Variants in SRRM1 observed in about 807,000 individuals in gnomAD.
SRRM1 encodes serine and arginine repetitive matrix 1, also known as serine/arginine repetitive matrix protein 1.
SRRM1 carries 19 observed loss-of-function variants against 110.2 expected under a neutral mutation model. That is an observed-to-expected ratio of 0.17 (90% confidence interval 0.12 to 0.25). The LOEUF is 0.25. SRRM1 is among the 10% of genes least tolerant of loss of function. The pLI is 1.00. For synonymous variants in SRRM1, 443 were observed against 414.9 expected (o/e 1.07, Z -0.82); for missense variants, 918 against 1,145.8 (o/e 0.80, Z 2.87).
chr1:24,649,177 C>G lies in SRRM1; in HGVS notation c.405+148C>G, dbSNP rs1200330748. ...AAACATTCAGTTTTGGTTCACTGCT[C>G]CTCCCTCCAACCAAACATTGAGTTT... is the stretch of plus-strand genomic sequence containing the variant. On this transcript the variant is annotated intron_variant, in intron 4 of 16. Transcript: ENST00000323848. 1.4e-5 allele frequency: 9 copies of G among 623,840 alleles called. No individual in the cohort carries two copies. In the Admixed American group the frequency reaches 1.7e-4, roughly 12 times the overall value. 38.6% of individuals were successfully genotyped at this position (623,840 alleles called of 1,614,324 possible).
intron 1 of SRRM1, 69 bp downstream of exon 1, chr1:24,643,416 G>C: frequency 2.8e-6 from 4 of 1,417,254 alleles, no homozygotes; most frequent in Non-Finnish European, 3.8e-6. Flanking sequence ...GGAGACCTTA[G>C]CTTGGCACAG....
intron 4 of SRRM1, 44 bp downstream of exon 4, chr1:24,649,073 G>A (rs1659054144): frequency 1.9e-6 from 3 of 1,576,724 alleles, no homozygotes; most frequent in Non-Finnish European, 2.6e-6. Context: ...GAGAGTATTG[G>A]CCAGGCTGCC....
Position 24,646,662 on chromosome 1 carries a change from A to G in SRRM1, c.112-5A>G. ...TTGTACTTAATTGTTTCTATGTTTCATCAGGTGGACATGAGCAAAGTAAAT... is the reference window on the plus strand; with the variant it reads ...TTGTACTTAATTGTTTCTATGTTTCGTCAGGTGGACATGAGCAAAGTAAAT... On this transcript the variant is annotated splice_polypyrimidine_tract_variant and splice_region_variant and intron_variant, in intron 2 of 16. Coordinates refer to ENST00000323848, the MANE Select transcript of SRRM1 (RefSeq NM_005839.4). 1 of 1,579,040 alleles carries G rather than the reference A, an allele frequency of 6.3e-7. No individual in the cohort carries two copies.
rs1215778545 is a variant in SRRM1 at position 24,652,029 on chromosome 1, A to AATATATATATATATATATATATATATAT, written c.726-398_726-371dup. Among the ~76,000 whole-genome samples, 64 of 79,832 alleles carry AATATATATATATATATATATATATATAT rather than the reference A, an allele frequency of 8.0e-4. 1 individual carries two copies. The highest frequency in any genetic ancestry group is 1.2e-3 in the Non-Finnish European group (47 of 39,100). The allele number at this position is 79,832 out of a possible 152,430, so 52.4% of individuals were successfully genotyped here. A position where few individuals can be genotyped will look rare whatever the true frequency, so the allele number is the denominator to read the frequency against. On this transcript the variant is annotated intron_variant, in intron 6 of 16. Transcript: ENST00000323848. ...ATGGTGAAACTCCATCTGTACTAAAAATATATATATATATATATATATATA... is the reference window on the plus strand; with the variant it reads ...ATGGTGAAACTCCATCTGTACTAAAAATATATATATATATATATATATATATATATATATATATATATATATATATATA...
chr1:24,669,859 T>G (rs1002472463), intron 14 of SRRM1: 7 of 557,306 alleles, frequency 1.3e-5, no homozygotes, highest in African/African-American at 3.8e-5. Flanking sequence ...ATTGAACATT[T>G]CTTGTGTGTG....
chr1:24,671,690 A>C (rs531630228), intron 16 of SRRM1, 95 bp downstream of exon 16: 4 of 1,084,840 alleles, frequency 3.7e-6, no homozygotes, highest in Non-Finnish European at 5.3e-6. Flanking sequence ...TTTTTCTACT[A>C]ATTAGCCAGT....
chr1:24,653,178 G>C (rs1174453659), intron 8 of SRRM1, 146 bp downstream of exon 8: 6 of 776,316 alleles, frequency 7.7e-6, no homozygotes, highest in Non-Finnish European at 1.2e-5. Context: ...TGTTTCATTT[G>C]AAGTGTAATG....
chr1:24,649,788 T>C (rs774329899), intron 4 of SRRM1, among the ~76,000 whole-genome samples, 183 bp from the exon 5 acceptor site: 44 of 152,236 alleles, frequency 2.9e-4, no homozygotes, highest in Non-Finnish European at 5.3e-4. Flanking sequence ...TATTTGTAAA[T>C]GAGTGGCGAT....
At chr1:24,650,413 T>G (rs1192930970) in intron 5 of SRRM1, among the ~76,000 whole-genome samples, 1 of 152,382 alleles carries the variant, frequency 6.6e-6, no homozygotes, top group Middle Eastern at 3.4e-3. Context: ...TCACTTTTTC[T>G]TTCCATTTCC....
At chr1:24,652,838 G>A in intron 7 of SRRM1, 75 bp from the exon 8 acceptor site, 1 of 1,501,280 alleles carries the variant, frequency 6.7e-7, no homozygotes, top group Admixed American at 2.3e-5. Flanking sequence ...TTTTAGATGT[G>A]GCCATTGAGA....
chr1:24,646,508 G>A (rs555167415), intron 2 of SRRM1, among the ~76,000 whole-genome samples, 159 bp from the exon 3 acceptor site: 2 of 146,774 alleles, frequency 1.4e-5, no homozygotes, highest in African/African-American at 5.1e-5. Context: ...GGGCAAGAGT[G>A]CAAGACTCTG....
Position 24,666,934 on chromosome 1 carries a change from T to G in SRRM1, c.1739+9T>G. 1 of 1,590,636 alleles carries G rather than the reference T, an allele frequency of 6.3e-7. No individual in the cohort carries two copies. The highest frequency in any genetic ancestry group is 8.6e-7 in the Non-Finnish European group (1 of 1,169,192). On this transcript the variant is annotated intron_variant, in intron 13 of 16. Coordinates refer to ENST00000323848, the MANE Select transcript of SRRM1 (RefSeq NM_005839.4). ...CCACCACCACGACGAAGGTACTTTG[T>G]CAAATATGCTAACTGGAGCATCTCC...
intron 9 of SRRM1, among the ~76,000 whole-genome samples, chr1:24,659,270 T>G (rs1016422185): frequency 7.2e-5 from 11 of 152,230 alleles, no homozygotes; most frequent in Non-Finnish European, 1.6e-4. Flanking sequence ...CATTTTGACT[T>G]CTTTAGCAAA....
At chr1:24,647,696 T>C (rs1439548632) in intron 3 of SRRM1, 1 of 152,696 alleles carries the variant, frequency 6.5e-6, no homozygotes, top group Non-Finnish European at 1.5e-5. Context: ...GCATTTCAAC[T>C]GATAAGGTAT....
chr1:24,666,919 G>A lies in SRRM1; in HGVS notation c.1733G>A (p.Arg578Gln), dbSNP rs537256154. 3.7e-6 allele frequency: 6 copies of A among 1,601,810 alleles called. No homozygotes were observed. Among genetic ancestry groups the A allele is most frequent in the East Asian group, 2.2e-5 (1 of 44,648 alleles). The change falls in exon 13 of 17, where the codon CGA becomes CAA. Residue 578 changes from arginine to glutamine, a missense_variant. This residue lies in a region of SRRM1 where 357 missense variants were observed against 402.9 expected (regional missense o/e 0.89). Coordinates refer to ENST00000323848, the MANE Select transcript of SRRM1 (RefSeq NM_005839.4). Reference sequence around the variant, plus strand: ...CGCAGGACTCCCACACCACCACCACGACGAAGGTACTTTGTCAAATATGCT... The same window carrying A: ...CGCAGGACTCCCACACCACCACCACAACGAAGGTACTTTGTCAAATATGCT... ...RRRRTPTPPP[R>Q]RRTPSPPPRR...
At chr1:24,651,714 A>G in intron 6 of SRRM1, 102 bp downstream of exon 6, 1 of 971,158 alleles carries the variant, frequency 1.0e-6, no homozygotes, top group Non-Finnish European at 1.5e-6. Context: ...TTTTCCTTTT[A>G]GATTTTTTAA....
chr1:24,648,993 C>T lies in SRRM1; in HGVS notation c.369C>T (p.Phe123=), dbSNP rs755769016. 3 of 1,613,272 alleles carry T rather than the reference C, an allele frequency of 1.9e-6. No homozygotes were observed. Among genetic ancestry groups the T allele is most frequent in the South Asian group, 1.1e-5 (1 of 90,956 alleles). The change falls in exon 4 of 17, where the codon TTC becomes TTT. Residue 123 remains phenylalanine (F), a synonymous_variant. Transcript: ENST00000323848. ...ACATCGCGGGAATCCCTTCTGCTTT[C>T]CTAGAACTGAAGAAAGAAGAAATAA... is the stretch of plus-strand genomic sequence containing the variant. The part of the protein sequence containing the change: ...QENIAGIPSA[F]LELKKEEIKQ...
intron 14 of SRRM1, chr1:24,669,796 GTTATTAAT>G (rs1671817393): frequency 3.5e-6 from 2 of 577,838 alleles, no homozygotes. Context: ...GTTCTTAGCA[GTTATTAAT>G]TTGTTTTTGA....
intron 5 of SRRM1, among the ~76,000 whole-genome samples, chr1:24,651,120 C>T (rs984136442): frequency 6.6e-6 from 1 of 152,126 alleles, no homozygotes; most frequent in Non-Finnish European, 1.5e-5. Flanking sequence ...TCCTCTTTGC[C>T]TCTGAAAAGT....
Sources: gnomAD v4.1 joint callset for allele counts (sites outside exome capture counted in the v4.1 genomes callset) on GRCh38, gnomAD v4.1.1 for gene constraint, gnomAD v4.1.1 regional missense constraint, MANE v1.5 for transcripts, NCBI Gene and HGNC (gene_info 2026-07-23, HGNC 2026-07-21) for gene names.